The following PFKL variants were observed in gnomAD, a reference collection of about 807,000 sequenced individuals.
The protein encoded by PFKL is ATP-dependent 6-phosphofructokinase, liver type.
Under a neutral mutation model 92.1 loss-of-function variants are expected in PFKL, and 74 were observed. The ratio of observed to expected loss-of-function variants is 0.80; its 90% confidence interval spans 0.67 to 0.97. The LOEUF (loss-of-function observed/expected upper bound fraction) is 0.97. PFKL is among the 50% of genes least tolerant of loss of function. The probability of loss-of-function intolerance (pLI) is 0.00; values close to 1 mark genes in which losing one functional copy is unlikely to be tolerated. For synonymous variants in PFKL, 494 were observed against 456.4 expected (o/e 1.08, Z -1.05); for missense variants, 1,028 against 1,116.6 (o/e 0.92, Z 1.13).
chr21:44,312,929 G>C, intron 4 of PFKL, 49 bp from the exon 5 acceptor site: 1 of 1,585,076 alleles, frequency 6.3e-7, no homozygotes, highest in Non-Finnish European at 8.6e-7. Context: ...TGGCCCTGTG[G>C]TGGGGCCAGT....
At chr21:44,308,281 C>G (rs892297965) in intron 2 of PFKL, among the ~76,000 whole-genome samples, 1 of 152,188 alleles carries the variant, frequency 6.6e-6, no homozygotes, top group Admixed American at 6.5e-5. Context: ...AGGCTGAGAG[C>G]TTCCCTGAAT....
chr21:44,312,329 GTT>G, intron 4 of PFKL, 35 bp downstream of exon 4: 1 of 1,515,452 alleles, frequency 6.6e-7, no homozygotes, highest in African/African-American at 1.4e-5. Flanking sequence ...AGGCCCTGGG[GTT>G]TTGTTTTGCC....
In PFKL at chr21:44,306,816, G is replaced by A; in HGVS notation, c.159+62G>A. The A allele has an allele frequency of 2.9e-6, 4 of 1,387,406 alleles. No homozygotes were observed. In the South Asian group the frequency reaches 4.7e-5, roughly 16 times the overall value. The allele number at this position is 1,387,406 out of a possible 1,614,324, so 85.9% of individuals were successfully genotyped here. ...GGGACCTCCTGAGGCGCATGCCGAGGTGTGTTCTGTGTGGGTCACACTGGG... is the reference window on the plus strand; with the variant it reads ...GGGACCTCCTGAGGCGCATGCCGAGATGTGTTCTGTGTGGGTCACACTGGG... On this transcript the variant is annotated intron_variant, in intron 2 of 21. Transcript: ENST00000349048.
intron 1 of PFKL, among the ~76,000 whole-genome samples, 179 bp from the exon 2 acceptor site, chr21:44,306,502 C>T (rs1384650917): frequency 1.3e-5 from 2 of 151,738 alleles, no homozygotes; most frequent in African/African-American, 4.8e-5. Flanking sequence ...GCGTCCGGGC[C>T]TTCCCTGACC....
intron 1 of PFKL, among the ~76,000 whole-genome samples, chr21:44,300,458 G>A (rs2040739227): frequency 6.6e-6 from 1 of 152,150 alleles, no homozygotes; most frequent in Non-Finnish European, 1.5e-5. Flanking sequence ...GTCCGACTCT[G>A]GGCCGCGGGG....
At chr21:44,324,465 A>C (rs779351656) in intron 16 of PFKL, 26 bp from the exon 17 acceptor site, 5 of 1,608,176 alleles carry the variant, frequency 3.1e-6, no homozygotes, top group Non-Finnish European at 4.2e-6. Context: ...CACGTGGAGG[A>C]CCCCCGACCC....
Position 44,300,066 on chromosome 21 carries a change from C to A in PFKL, c.-40C>A. ...GGCGGGGACGGCGACGCGGCGCAGG[C>A]GGCGGGAGTGCGAGCTGGGCCCGTG... On this transcript the variant is annotated 5_prime_UTR_variant, in exon 1 of 22. Transcript: ENST00000349048. The A allele has an allele frequency of 1.0e-6, 1 of 975,810 alleles. No individual in the cohort carries two copies. Among genetic ancestry groups the A allele is most frequent in the Non-Finnish European group, 1.2e-6 (1 of 809,060 alleles). The allele number at this position is 975,810 out of a possible 1,614,324, so 60.4% of individuals were successfully genotyped here. A position where few individuals can be genotyped will look rare whatever the true frequency, so the allele number is the denominator to read the frequency against.
chr21:44,316,490 G>T lies in PFKL; in HGVS notation c.902G>T (p.Arg301Leu). 2 of 1,606,326 alleles carry T rather than the reference G, an allele frequency of 1.2e-6. No individual in the cohort carries two copies. The highest frequency in any genetic ancestry group is 1.7e-6 in the Non-Finnish European group (2 of 1,175,192). The change falls in exon 9 of 22, where the codon CGG becomes CTG. Residue 301 changes from arginine (R) to leucine (L), a missense_variant. Arg to Leu is a moderately radical substitution (Grantham distance 102). Coordinates refer to ENST00000349048, the MANE Select transcript of PFKL (RefSeq NM_002626.6). ...GTAACTGTGCTGGGCCACGTGCAGC[G>T]GGGAGGGACGCCCTCTGCCTTCGAC... ...TRVTVLGHVQ[R>L]GGTPSAFDRI...
At position 44,325,168 on chromosome 21, in the gene PFKL, T is replaced by C. The variant is rs201218445; in HGVS notation, c.1893T>C (p.His631=). 3.2e-5 allele frequency: 51 copies of C among 1,611,650 alleles called. No homozygotes were observed. The East Asian group carries it at 5.6e-4, about 18-fold the overall frequency. The change falls in exon 19 of 22, where the codon CAT becomes CAC. Residue 631 remains histidine, a synonymous_variant. Transcript: ENST00000349048. ...RGLVLRNEKC[H]DYYTTEFLYN... The stretch of plus-strand genomic sequence containing the variant: ...CCCCTCTCAGGAACGAGAAGTGCCA[T>C]GACTACTACACCACGGAGTTCCTGT...
Position 44,311,175 on chromosome 21 carries a change from CAG to C in PFKL, c.237+94_237+95del, listed in dbSNP as rs953929211. ...GCACACACAGACACACACACAGAGA[CAG>C]ACACGTGCACAAACACACACATGCA... On this transcript the variant is annotated intron_variant, in intron 3 of 21. Transcript: ENST00000349048. 2.4e-5 allele frequency: 22 copies of C among 917,454 alleles called. No homozygotes were observed. In the African/African-American group the frequency reaches 3.5e-4, roughly 14 times the overall value. The allele number at this position is 917,454 out of a possible 1,614,324, so 56.8% of individuals were successfully genotyped here.
In PFKL at chr21:44,319,424, C is replaced by T; in HGVS notation, c.1127+9C>T. ...ACCCAGCTCCGTGGTGGGTAAGCCCCCTCAGCAGACCCCTGCACTCTTACA... is the reference window on the plus strand; with the variant it reads ...ACCCAGCTCCGTGGTGGGTAAGCCCTCTCAGCAGACCCCTGCACTCTTACA... On this transcript the variant is annotated intron_variant, in intron 11 of 21. Transcript: ENST00000349048. 6.2e-7 allele frequency: 1 copy of T among 1,610,886 alleles called. No homozygotes were observed. Among genetic ancestry groups the T allele is most frequent in the South Asian group, 1.1e-5 (1 of 91,024 alleles).
intron 19 of PFKL, 151 bp from the exon 20 acceptor site, chr21:44,325,810 G>C: frequency 1.6e-6 from 1 of 615,124 alleles, no homozygotes; most frequent in East Asian, 2.8e-5. Context: ...GTCCTCGATC[G>C]GGAACAGACG....
rs2047536140 is a variant in PFKL, at chr21:44,327,101, C to T, written c.*239C>T. Reference sequence around the variant, plus strand: ...CAGAGTGCCCTGGGGCATCCACCTTCCTGCCCAGGGGACGTGGCGCTGTCG... The same window carrying T: ...CAGAGTGCCCTGGGGCATCCACCTTTCTGCCCAGGGGACGTGGCGCTGTCG... On this transcript the variant is annotated 3_prime_UTR_variant, in exon 22 of 22. Coordinates refer to ENST00000349048, the MANE Select transcript of PFKL (RefSeq NM_002626.6). The T allele has an allele frequency of 1.8e-6, 1 of 568,180 alleles. No homozygotes were observed. The highest frequency in any genetic ancestry group is 2.1e-5 in the South Asian group (1 of 47,692). The allele number at this position is 568,180 out of a possible 1,614,324, so 35.2% of individuals were successfully genotyped here. A position where few individuals can be genotyped will look rare whatever the true frequency, so the allele number is the denominator to read the frequency against.
At position 44,323,693 on chromosome 21, in the gene PFKL, G is replaced by A. The variant is rs992342663; in HGVS notation, c.1498-73G>A. On this transcript the variant is annotated intron_variant, in intron 15 of 21. Transcript: ENST00000349048. ...CAGCAGGGAGCAGGGCTGGGCGGCC[G>A]CCGGCAGAGCCTGTCCCCGGCCCAC... 57 of 1,499,960 alleles carry A rather than the reference G, an allele frequency of 3.8e-5. No individual in the cohort carries two copies. The Admixed American group carries it at 6.3e-4, about 17-fold the overall frequency. The allele number at this position is 1,499,960 out of a possible 1,614,324, so 92.9% of individuals were successfully genotyped here.
intron 1 of PFKL, chr21:44,305,433 C>G: frequency 7.5e-7 from 1 of 1,337,708 alleles, no homozygotes; most frequent in Non-Finnish European, 1.0e-6. Context: ...CACCTCCAGC[C>G]TCTGCAAGTA....
intron 14 of PFKL, 104 bp from the exon 15 acceptor site, chr21:44,322,858 C>A: frequency 1.3e-6 from 1 of 743,878 alleles, no homozygotes; most frequent in Non-Finnish European, 2.2e-6. Context: ...CGACTGCTGA[C>A]TGGCTCGGGG....
Position 44,323,830 on chromosome 21 carries a change from T to G in PFKL, c.1562T>G (p.Met521Arg), listed in dbSNP as rs376634589. ...RGRYEELCIVMCVIPATISNN... is the reference protein window; with the variant it reads ...RGRYEELCIVRCVIPATISNN... ...CGCTACGAGGAGCTCTGCATCGTCA[T>G]GTGTGTCATCCCAGCCACCATCAGC... is the stretch of plus-strand genomic sequence containing the variant. Residue 521 changes from methionine (M) to arginine (R), a missense_variant, in exon 16 of 22, where the codon ATG becomes AGG. By Grantham distance (91) the Met-to-Arg change is moderately conservative. Transcript: ENST00000349048. 1.2e-6 allele frequency: 2 copies of G among 1,613,190 alleles called. No homozygotes were observed. The highest frequency in any genetic ancestry group is 2.2e-5 in the East Asian group (1 of 44,880).
Position 44,326,934 on chromosome 21 carries a change from GGGCTGTTGTGTC to G in PFKL, c.*73_*84del. The G allele has an allele frequency of 7.1e-7, 1 of 1,410,056 alleles. No homozygotes were observed. 87.3% of individuals were successfully genotyped at this position (1,410,056 alleles called of 1,614,324 possible). On this transcript the variant is annotated 3_prime_UTR_variant, in exon 22 of 22. Transcript: ENST00000349048. ...CAGCGCCAGGGCTCAGATGGGGCCT[GGGCTGTTGTGTC>G]TGGAGCCTGCAGGCAGGTGGGGGCT...
intron 12 of PFKL, chr21:44,320,403 A>G: frequency 2.3e-6 from 1 of 437,246 alleles, no homozygotes; most frequent in Non-Finnish European, 4.2e-6. Context: ...GTCAGGCCAC[A>G]GGCTTAACTC....
Sources: gnomAD v4.1 joint callset for allele counts (sites outside exome capture counted in the v4.1 genomes callset) on GRCh38, gnomAD v4.1.1 for gene constraint, MANE v1.5 for transcripts, NCBI Gene and HGNC (gene_info 2026-07-23, HGNC 2026-07-21) for gene names.